IGF1R: variants seen among roughly 807,000 people sequenced by gnomAD.
IGF1R encodes the protein insulin-like growth factor 1 receptor.
IGF1R carries 44 observed loss-of-function variants against 144.6 expected under a neutral mutation model. The ratio of observed to expected loss-of-function variants is 0.30; its 90% confidence interval spans 0.24 to 0.39. IGF1R has a LOEUF of 0.39. IGF1R is among the 10% of genes least tolerant of loss of function. The pLI, the probability that IGF1R is intolerant of heterozygous loss-of-function variation, is 1.00. For synonymous variants in IGF1R, 795 were observed against 722.8 expected (o/e 1.10, Z -1.60); for missense variants, 1,355 against 1,833.7 (o/e 0.74, Z 4.77).
intron 2 of IGF1R, among the ~76,000 whole-genome samples, chr15:98,797,879 C>A (rs924500326): frequency 1.3e-5 from 2 of 152,158 alleles, no homozygotes; most frequent in Admixed American, 1.3e-4. Context: ...GAAAAAAATA[C>A]AGACTCACTG....
Position 98,891,846 on chromosome 15 carries a change from G to A in IGF1R, c.953+209G>A, listed in dbSNP as rs1202206624. Among the ~76,000 whole-genome samples the A allele has an allele frequency of 6.6e-6, 1 of 152,168 alleles. No homozygotes were observed. The highest frequency in any genetic ancestry group is 1.5e-5 in the Non-Finnish European group (1 of 68,022). On this transcript the variant is annotated intron_variant, in intron 3 of 20. Coordinates refer to ENST00000650285, the MANE Select transcript of IGF1R (RefSeq NM_000875.5). The surrounding 1 kb of genome is among the most constrained non-coding windows in gnomAD (Gnocchi z 4.7). ...GGCTTACCGCCCCCCTCACCAGTTT[G>A]TTTTATATTTTAAGTGCATACTGCC...
intron 1 of IGF1R, among the ~76,000 whole-genome samples, chr15:98,667,470 C>T (rs1272160019): frequency 6.6e-6 from 1 of 152,238 alleles, no homozygotes; most frequent in Non-Finnish European, 1.5e-5. Context: ...CTTCGCCTTA[C>T]AGGCCAGGAA....
chr15:98,957,021 C>T (rs1238634244), intron 20 of IGF1R, 40 bp from the exon 21 acceptor site: 1 of 1,613,002 alleles, frequency 6.2e-7, no homozygotes, highest in African/African-American at 1.3e-5. Context: ...CCATGTGCGC[C>T]CTCCCGGTTT....
chr15:98,795,651 C>G (rs1428493420), intron 2 of IGF1R, among the ~76,000 whole-genome samples: 1 of 152,188 alleles, frequency 6.6e-6, no homozygotes, highest in Non-Finnish European at 1.5e-5. Context: ...CTCCTGACCT[C>G]GTGATCCACC....
intron 2 of IGF1R, among the ~76,000 whole-genome samples, chr15:98,825,783 CAAG>C (rs2141488435): frequency 6.6e-6 from 1 of 152,320 alleles, no homozygotes; most frequent in East Asian, 1.9e-4. Context: ...GGAATAATGA[CAAG>C]GAGAAAAGTC....
rs35822346 is a variant in IGF1R, at chr15:98,929,631, G to A, written c.2856G>A (p.Val952=). The change falls in exon 14 of 21, where the codon GTG becomes GTA. Residue 952 remains valine (V), a synonymous_variant. Coordinates refer to ENST00000650285, the MANE Select transcript of IGF1R (RefSeq NM_000875.5). ...VAVLLIVGGL[V]IMLYVFHRKR... is the part of the protein sequence containing the mutation. ...TCCTGTTGATCGTGGGAGGGTTGGT[G>A]ATTATGCTGTACGTCTTCCATAGAA... 5 of 1,613,834 alleles carry A rather than the reference G, an allele frequency of 3.1e-6. No homozygotes were observed. The African/African-American group carries it at 5.3e-5, about 17-fold the overall frequency.
At chr15:98,884,519 C>G (rs886808749) in intron 2 of IGF1R, among the ~76,000 whole-genome samples, 1 of 151,790 alleles carries the variant, frequency 6.6e-6, no homozygotes, top group Admixed American at 6.6e-5. Flanking sequence ...ACGGTGAAAC[C>G]CTGTCTCTGC....
intron 20 of IGF1R, among the ~76,000 whole-genome samples, chr15:98,956,218 C>T (rs528270943): frequency 3.2e-4 from 49 of 152,376 alleles, no homozygotes; most frequent in African/African-American, 1.2e-3. Flanking sequence ...CTCTGAGGGC[C>T]TCACAGGTAT....
chr15:98,743,698 G>A (rs1294694798), intron 2 of IGF1R, among the ~76,000 whole-genome samples: 1 of 152,204 alleles, frequency 6.6e-6, no homozygotes, highest in African/African-American at 2.4e-5. Context: ...ACATTAAACA[G>A]AGGTGGGGTA....
At chr15:98,942,482 C>T (rs1210978102) in intron 18 of IGF1R, among the ~76,000 whole-genome samples, 3 of 152,104 alleles carry the variant, frequency 2.0e-5, no homozygotes, top group Non-Finnish European at 4.4e-5. Flanking sequence ...CACAGGCGCA[C>T]ACCACCACTC....
At chr15:98,734,827 T>A (rs2054575115) in intron 2 of IGF1R, 1 of 152,234 alleles carries the variant, frequency 6.6e-6, no homozygotes, top group Non-Finnish European at 1.5e-5. Flanking sequence ...TTTGCTTTTT[T>A]AAAAGTTTTT....
chr15:98,776,277 C>T (rs1318867512), intron 2 of IGF1R, among the ~76,000 whole-genome samples: 9 of 151,712 alleles, frequency 5.9e-5, no homozygotes, highest in African/African-American at 1.2e-4. Flanking sequence ...CTCCGCCTCC[C>T]GGGTTCCAGC....
At chr15:98,747,952 G>T (rs1405960135) in intron 2 of IGF1R, among the ~76,000 whole-genome samples, 2 of 152,030 alleles carry the variant, frequency 1.3e-5, no homozygotes, top group African/African-American at 4.8e-5. Flanking sequence ...TTGGGAGAGG[G>T]GTGTGGATTC....
chr15:98,960,042 T>G lies in IGF1R; in HGVS notation c.*2600T>G, dbSNP rs550915475. 8.6e-6 allele frequency: 2 copies of G among 233,530 alleles called. No individual in the cohort carries two copies. The highest frequency in any genetic ancestry group is 4.4e-5 in the African/African-American group (2 of 45,406). The allele number at this position is 233,530 out of a possible 1,614,324, so 14.5% of individuals were successfully genotyped here. ...GACAGTTCTTGATTTTTTGGGTTTT[T>G]TTTCCCCCAAACATTTATCTACCTC... is the stretch of plus-strand genomic sequence containing the variant. On this transcript the variant is annotated 3_prime_UTR_variant, in exon 21 of 21. Transcript: ENST00000650285.
chr15:98,769,793 C>T (rs533053272), intron 2 of IGF1R, among the ~76,000 whole-genome samples: 12 of 152,182 alleles, frequency 7.9e-5, no homozygotes, highest in Non-Finnish European at 1.8e-4. Context: ...ATTTTCTTAT[C>T]AGTAGCACTG....
chr15:98,963,935 C>T lies in IGF1R; in HGVS notation c.*6493C>T, dbSNP rs142100490. ...TCATGGGAAACACCTGGGGTTTTTG[C>T]GCTACATAGGAGAAAGATCTGGAAA... is the stretch of plus-strand genomic sequence containing the variant. On this transcript the variant is annotated 3_prime_UTR_variant, in exon 21 of 21. Transcript: ENST00000650285. The T allele has an allele frequency of 9.5e-4, 222 of 233,028 alleles. 4 individuals are homozygous for T. The highest frequency in any genetic ancestry group is 9.3e-3 in the East Asian group (154 of 16,548). 14.4% of individuals were successfully genotyped at this position (233,028 alleles called of 1,614,324 possible).
rs28708550 is a variant in IGF1R at position 98,738,477 on chromosome 15, A to C, written c.640+30370A>C. Among the ~76,000 whole-genome samples, 708 of 152,306 alleles carry C rather than the reference A, an allele frequency of 4.6e-3. 8 individuals are homozygous for C. The highest frequency in any genetic ancestry group is 0.016 in the African/African-American group (667 of 41,572). ...CTTGAGCCCAGGAGTTCGAGGCTAA[A>C]GTGAGCTGTGAGCACACCAGTGCAC... On this transcript the variant is annotated intron_variant, in intron 2 of 20. Transcript: ENST00000650285.
At chr15:98,686,052 C>T (rs2053320228) in intron 1 of IGF1R, among the ~76,000 whole-genome samples, 1 of 152,196 alleles carries the variant, frequency 6.6e-6, no homozygotes, top group Admixed American at 6.5e-5. Context: ...TGCCTTTTTC[C>T]CCAAGTCTTT....
chr15:98,842,436 G>T (rs2011190650), intron 2 of IGF1R, among the ~76,000 whole-genome samples: 1 of 152,214 alleles, frequency 6.6e-6, no homozygotes, highest in Non-Finnish European at 1.5e-5. Flanking sequence ...GTTTTGAAAT[G>T]AGGACAGGGA....
Sources: allele counts gnomAD v4.1 joint callset (sites outside exome capture counted in the v4.1 genomes callset), GRCh38; gene constraint gnomAD v4.1.1; non-coding constraint Gnocchi (gnomAD v3.1); transcripts MANE v1.5; gene names NCBI Gene and HGNC (gene_info 2026-07-23, HGNC 2026-07-21).